Variants in SGK3 observed in about 807,000 individuals in gnomAD.
The protein encoded by SGK3 is serine/threonine-protein kinase Sgk3.
A neutral mutation model predicts 68.5 loss-of-function variants in SGK3; 47 were observed. The ratio of observed to expected loss-of-function variants is 0.69; its 90% CI spans 0.54 to 0.87. SGK3 has a LOEUF of 0.87. Among genes scored for constraint, SGK3 ranks in the 40% least tolerant of loss-of-function variants. The pLI, the probability that SGK3 is intolerant of heterozygous loss-of-function variation, is 0.00. For synonymous variants in SGK3, 181 were observed against 189.1 expected, an observed-to-expected ratio of 0.96 and a Z score of 0.35; for missense variants, 479 against 575.5, an observed-to-expected ratio of 0.83 and a Z score of 1.72.
intron 10 of SGK3, among the ~76,000 whole-genome samples, chr8:66,838,602 G>A (rs1304127073): frequency 6.6e-6 from 1 of 152,138 alleles, no homozygotes; most frequent in African/African-American, 2.4e-5. Flanking sequence ...CTCTTTTAGG[G>A]CTTTGCTTCT....
At chr8:66,836,186 C>A in intron 10 of SGK3, 112 bp downstream of exon 10, 1 of 1,337,704 alleles carries the variant, frequency 7.5e-7, no homozygotes. Flanking sequence ...CTTTTTATAG[C>A]AATAATATTC....
chr8:66,792,060 TG>T (rs1316951746), intron 1 of SGK3, among the ~76,000 whole-genome samples: 1 of 152,238 alleles, frequency 6.6e-6, no homozygotes, highest in Non-Finnish European at 1.5e-5. Flanking sequence ...CTGGGCGCAG[TG>T]GTTCACGCCT....
intron 1 of SGK3, among the ~76,000 whole-genome samples, chr8:66,740,726 G>A (rs1034654279): frequency 1.3e-5 from 2 of 152,032 alleles, no homozygotes; most frequent in African/African-American, 4.8e-5. Flanking sequence ...GGCCAACATG[G>A]CGAAACCCTG....
chr8:66,844,011 A>C (rs1173752518), intron 14 of SGK3, among the ~76,000 whole-genome samples: 3 of 151,638 alleles, frequency 2.0e-5, no homozygotes, highest in Non-Finnish European at 4.4e-5. Flanking sequence ...AAAAAAAAAA[A>C]AAAAAAAACC....
At chr8:66,830,020 T>A (rs1483721540) in intron 7 of SGK3, among the ~76,000 whole-genome samples, 1 of 152,142 alleles carries the variant, frequency 6.6e-6, no homozygotes, top group East Asian at 1.9e-4. Context: ...GCCACCATCA[T>A]GCCCAGCTAA....
chr8:66,752,796 G>T (rs1438790683), intron 1 of SGK3, among the ~76,000 whole-genome samples: 1 of 152,160 alleles, frequency 6.6e-6, no homozygotes, highest in African/African-American at 2.4e-5. Context: ...CATTGCTTGG[G>T]GAGAAGGGAG....
chr8:66,852,711 T>A (rs2130752688), intron 16 of SGK3, among the ~76,000 whole-genome samples: 1 of 152,338 alleles, frequency 6.6e-6, no homozygotes, highest in African/African-American at 2.4e-5. Context: ...GTGTAATATT[T>A]TACACCTACA....
At chr8:66,751,379 A>C (rs1397910963) in intron 1 of SGK3, among the ~76,000 whole-genome samples, 1 of 152,212 alleles carries the variant, frequency 6.6e-6, no homozygotes, top group African/African-American at 2.4e-5. Flanking sequence ...GCTTAAATGA[A>C]AAAGAAAACT....
chr8:66,729,563 T>C (rs1262167666), intron 1 of SGK3, among the ~76,000 whole-genome samples: 1 of 152,184 alleles, frequency 6.6e-6, no homozygotes, highest in East Asian at 1.9e-4. Flanking sequence ...CTTTTGGCTA[T>C]TACATATAAT....
At chr8:66,821,678 A>ATTTTTTTTTTTTT (rs59399048) in intron 5 of SGK3, among the ~76,000 whole-genome samples, 29 of 108,504 alleles carry the variant, frequency 2.7e-4, no homozygotes, top group Non-Finnish European at 3.5e-4. Context: ...ACGCCCGGCT[A>ATTTTTTTTTTTTT]TTTTTTTTTT....
chr8:66,804,029 G>A (rs113421447), intron 3 of SGK3, among the ~76,000 whole-genome samples: 2,917 of 152,180 alleles, frequency 0.019, 67 homozygotes, highest in South Asian at 0.045. Context: ...GTAACAGCAC[G>A]TTCTAGCCTT....
intron 5 of SGK3, among the ~76,000 whole-genome samples, chr8:66,816,821 G>A (rs777029039): frequency 2.6e-5 from 4 of 152,002 alleles, no homozygotes; most frequent in Non-Finnish European, 2.9e-5. Flanking sequence ...TTAAGGAAAC[G>A]TACTTTATTT....
intron 3 of SGK3, among the ~76,000 whole-genome samples, chr8:66,800,155 C>A (rs1173252610): frequency 2.0e-5 from 3 of 151,902 alleles, no homozygotes; most frequent in African/African-American, 7.3e-5. Flanking sequence ...TCCTGGCTAA[C>A]ATGGTGAAAC....
intron 13 of SGK3, among the ~76,000 whole-genome samples, chr8:66,841,429 A>T (rs1446180964): frequency 2.6e-5 from 4 of 152,158 alleles, no homozygotes; most frequent in Admixed American, 6.5e-5. Context: ...TTCTAAGGTA[A>T]ATATTGTAGA....
At chr8:66,782,642 G>C (rs1807038078) in intron 1 of SGK3, among the ~76,000 whole-genome samples, 1 of 152,110 alleles carries the variant, frequency 6.6e-6, no homozygotes, top group Non-Finnish European at 1.5e-5. Context: ...GTTTCACCCT[G>C]TGCCCCAGCC....
intron 14 of SGK3, among the ~76,000 whole-genome samples, chr8:66,845,297 G>A (rs994057044): frequency 4.6e-5 from 7 of 152,092 alleles, no homozygotes; most frequent in Admixed American, 2.0e-4. Context: ...TACTTGGGAG[G>A]CTGAGTCAGG....
At chr8:66,786,063 T>A (rs954817124) in intron 1 of SGK3, among the ~76,000 whole-genome samples, 1 of 152,254 alleles carries the variant, frequency 6.6e-6, no homozygotes, top group Non-Finnish European at 1.5e-5. Flanking sequence ...GTCAATCCCC[T>A]TCTTACTCTG....
intron 14 of SGK3, among the ~76,000 whole-genome samples, chr8:66,845,876 A>G (rs1809991553): frequency 6.6e-6 from 1 of 151,754 alleles, no homozygotes; most frequent in Non-Finnish European, 1.5e-5. Context: ...TATTTTGTAA[A>G]CTTCTGTATT....
In SGK3 at chr8:66,803,826, T is replaced by A. The variant is rs114371048; in HGVS notation, c.181-549T>A. The stretch of plus-strand genomic sequence containing the variant: ...CATATGCCACCATGCCTGGCTTTTT[T>A]TTTTATTTTATTTTTTAGAGACGAA... On this transcript the variant is annotated intron_variant, in intron 3 of 16. Coordinates refer to ENST00000521198, the MANE Select transcript of SGK3 (RefSeq NM_001033578.3). Among the ~76,000 whole-genome samples the A allele has an allele frequency of 8.5e-4, 129 of 152,136 alleles. No individual in the cohort carries two copies. The East Asian group carries it at 0.012, about 14-fold the overall frequency.
Sources: gnomAD v4.1 joint callset for allele counts (sites outside exome capture counted in the v4.1 genomes callset) on GRCh38, gnomAD v4.1.1 for gene constraint, MANE v1.5 for transcripts, NCBI Gene and HGNC (gene_info 2026-07-23, HGNC 2026-07-21) for gene names.